GLT8D2: variants seen among roughly 807,000 people sequenced by gnomAD.
GLT8D2 encodes the protein glycosyltransferase 8 domain containing 2.
In GLT8D2, 45 loss-of-function variants were observed where a neutral mutation model predicts 44.5. The observed-to-expected ratio is 1.01, with a 90% CI of 0.80 to 1.30. The LOEUF (loss-of-function observed/expected upper bound fraction) is 1.30, where lower values mean the gene tolerates loss of function less well. Ranked by LOEUF, GLT8D2 falls within the 50% of genes most tolerant of loss-of-function variation. GLT8D2 has a pLI of 0.00. For synonymous variants in GLT8D2, 156 were observed against 157.2 expected, an observed-to-expected ratio of 0.99 and a Z score of 0.06; for missense variants, 400 against 430.4, an observed-to-expected ratio of 0.93 and a Z score of 0.62.
At chr12:104,004,314 T>C (rs1194933971) in intron 4 of GLT8D2, among the ~76,000 whole-genome samples, 1 of 152,170 alleles carries the variant, frequency 6.6e-6, no homozygotes, top group Non-Finnish European at 1.5e-5. Flanking sequence ...CTTTGAAAAC[T>C]GGCACAAGAC....
At chr12:104,010,923 C>CT (rs1875751717) in intron 4 of GLT8D2, among the ~76,000 whole-genome samples, 1 of 152,180 alleles carries the variant, frequency 6.6e-6, no homozygotes, top group Non-Finnish European at 1.5e-5. Flanking sequence ...AGACGGAGGC[C>CT]TTCAGCAGAC....
intron 4 of GLT8D2, among the ~76,000 whole-genome samples, chr12:104,010,657 T>A (rs931292390): frequency 2.6e-5 from 4 of 152,324 alleles, no homozygotes; most frequent in African/African-American, 9.6e-5. Flanking sequence ...ACGATCTGAA[T>A]AGATGGGTGA....
At chr12:104,063,413 GCTCATGC>G in intron 1 of GLT8D2, among the ~76,000 whole-genome samples, 1 of 152,294 alleles carries the variant, frequency 6.6e-6, no homozygotes, top group East Asian at 1.9e-4. Context: ...GGGTGCGGTG[GCTCATGC>G]CTGTAGTTCC....
chr12:104,010,648 C>T (rs919888987), intron 4 of GLT8D2, among the ~76,000 whole-genome samples: 5 of 152,162 alleles, frequency 3.3e-5, no homozygotes, highest in African/African-American at 1.2e-4. Context: ...ATTTTCAATA[C>T]GATCTGAATA....
chr12:104,015,393 A>ACAAACAC (rs565529120), intron 3 of GLT8D2, among the ~76,000 whole-genome samples: 1 of 126,100 alleles, frequency 7.9e-6, no homozygotes, highest in Non-Finnish European at 1.6e-5. Flanking sequence ...AACAACAACA[A>ACAAACAC]ACACACACAC....
intron 3 of GLT8D2, among the ~76,000 whole-genome samples, chr12:104,017,463 C>G (rs1026814074): frequency 6.6e-6 from 1 of 152,068 alleles, no homozygotes; most frequent in Non-Finnish European, 1.5e-5. Flanking sequence ...GCTGGGATTA[C>G]AGGCCCCCAC....
At chr12:104,057,894 C>T (rs1882314953) in intron 1 of GLT8D2, among the ~76,000 whole-genome samples, 2 of 152,180 alleles carry the variant, frequency 1.3e-5, no homozygotes, top group South Asian at 4.1e-4. Context: ...CGTTTGCCTC[C>T]ATTCTAATAA....
chr12:104,018,197 C>T (rs1296745831), intron 3 of GLT8D2, among the ~76,000 whole-genome samples: 1 of 151,988 alleles, frequency 6.6e-6, no homozygotes, highest in East Asian at 1.9e-4. Context: ...GTCTCGAACT[C>T]CTGGACTCAA....
intron 4 of GLT8D2, among the ~76,000 whole-genome samples, chr12:104,006,563 C>T (rs1298885907): frequency 2.0e-5 from 3 of 152,092 alleles, no homozygotes; most frequent in Non-Finnish European, 2.9e-5. Context: ...ACTGTGCATG[C>T]CTCAGGACCT....
intron 5 of GLT8D2, among the ~76,000 whole-genome samples, chr12:104,001,035 G>A (rs546612025): frequency 6.6e-6 from 1 of 152,316 alleles, no homozygotes; most frequent in East Asian, 1.9e-4. Context: ...CCAAGAGATA[G>A]TGTTAACAAT....
chr12:104,001,288 T>C (rs1874184733), intron 5 of GLT8D2, among the ~76,000 whole-genome samples: 1 of 152,256 alleles, frequency 6.6e-6, no homozygotes, highest in South Asian at 2.1e-4. Flanking sequence ...TGGTGGACAT[T>C]TCAGCACTTT....
chr12:104,055,708 T>C (rs540393315), intron 1 of GLT8D2, among the ~76,000 whole-genome samples: 52 of 152,364 alleles, frequency 3.4e-4, no homozygotes, highest in Admixed American at 5.9e-4. Flanking sequence ...GGGTCTGCCT[T>C]TACTGAGTAT....
At position 103,997,546 on chromosome 12, in the gene GLT8D2, GA is replaced by G; in HGVS notation, c.403-12del. On this transcript the variant is annotated splice_polypyrimidine_tract_variant and intron_variant, in intron 6 of 10. Transcript: ENST00000360814. Reference sequence around the variant, plus strand: ...TCGAACAAAGTTCAGCTGTTAAAACGACAAAAGAAATGATGGTGGGGGAGAG... The same window carrying G: ...TCGAACAAAGTTCAGCTGTTAAAACGCAAAAGAAATGATGGTGGGGGAGAG... 1.2e-6 allele frequency: 2 copies of G among 1,602,226 alleles called. No individual in the cohort carries two copies. Among genetic ancestry groups the G allele is most frequent in the Non-Finnish European group, 1.7e-6 (2 of 1,169,364 alleles).
rs776137786 is a variant in GLT8D2 at position 103,999,431 on chromosome 12, C to T, written c.368G>A (p.Arg123Lys). The stretch of plus-strand genomic sequence containing the variant: ...CAATTCAGGCCTCGATGAGTCTGGT[C>T]TGATCTTCCCTTTGAGGACCATCGG... Reference protein sequence around the residue: ...FNPMVLKGKIRPDSSRPELLQ... With the variant: ...FNPMVLKGKIKPDSSRPELLQ... The change falls in exon 6 of 11, where the codon AGA (arginine) becomes AAA (lysine). Residue 123 changes from arginine (R) to lysine (K), a missense_variant. By Grantham distance (26) the Arg-to-Lys change is conservative. Transcript: ENST00000360814. The T allele has an allele frequency of 1.2e-5, 19 of 1,613,008 alleles. No individual in the cohort carries two copies. Among genetic ancestry groups the T allele is most frequent in the Non-Finnish European group, 1.6e-5 (19 of 1,179,010 alleles).
intron 4 of GLT8D2, among the ~76,000 whole-genome samples, chr12:104,011,501 T>C (rs1209616123): frequency 6.6e-6 from 1 of 152,152 alleles, no homozygotes; most frequent in African/African-American, 2.4e-5. Flanking sequence ...TGTATCAGCT[T>C]ACCTCTCCCC....
Position 103,996,736 on chromosome 12 carries a change from T to C in GLT8D2, c.599A>G (p.Gln200Arg), listed in dbSNP as rs762476373. Residue 200 changes from glutamine (Q) to arginine (R), a missense_variant and splice_region_variant, in exon 8 of 11, where the codon CAG becomes CGG. Physicochemically the swap from Gln to Arg is conservative, Grantham distance 43. Coordinates refer to ENST00000360814, the MANE Select transcript of GLT8D2 (RefSeq NM_001384711.1). ...ATTTCTGAGACAGCATATGCCCACC[T>C]GAAGTCCCACGAGTCTGTTTATGTC... The part of the protein sequence containing the change: ...AQDINRLVGL[Q>R]NTYMGYLDYR... The C allele has an allele frequency of 6.2e-7, 1 of 1,608,022 alleles. No homozygotes were observed. The highest frequency in any genetic ancestry group is 2.2e-5 in the East Asian group (1 of 44,838).
chr12:103,998,211 C>A (rs2136283996), intron 6 of GLT8D2, among the ~76,000 whole-genome samples: 1 of 151,382 alleles, frequency 6.6e-6, no homozygotes, highest in East Asian at 2.0e-4. Flanking sequence ...TTCTGTAGAA[C>A]TGCTATCAAA....
At chr12:104,062,361 C>T (rs1882732035) in intron 1 of GLT8D2, among the ~76,000 whole-genome samples, 4 of 152,070 alleles carry the variant, frequency 2.6e-5, no homozygotes, top group Admixed American at 2.6e-4. Context: ...GTGTGAGCCA[C>T]CGCACCCGTC....
chr12:103,989,647 C>A, intron 10 of GLT8D2, 70 bp from the exon 11 acceptor site: 1 of 1,320,804 alleles, frequency 7.6e-7, no homozygotes, highest in Non-Finnish European at 1.1e-6. Context: ...AAATTGAATA[C>A]AAGTTCATAG....
Sources: gnomAD v4.1 joint callset for allele counts (sites outside exome capture counted in the v4.1 genomes callset) on GRCh38, gnomAD v4.1.1 for gene constraint, MANE v1.5 for transcripts, NCBI Gene and HGNC (gene_info 2026-07-23, HGNC 2026-07-21) for gene names.